Variants in CHD7 observed in about 807,000 individuals in gnomAD.
CHD7 encodes ATP-dependent chromatin remodeler CHD7.
In CHD7, 24 loss-of-function variants were observed where a neutral mutation model predicts 307.3. The ratio of observed to expected loss-of-function variants is 0.08; its 90% CI spans 0.06 to 0.11. The LOEUF (loss-of-function observed/expected upper bound fraction) is 0.11, where lower values mean the gene tolerates loss of function less well. Ranked by LOEUF, CHD7 falls within the 10% of genes least tolerant of loss-of-function variation. The probability of loss-of-function intolerance (pLI) is 1.00; values close to 1 mark genes in which losing one functional copy is unlikely to be tolerated. For missense variants in CHD7, 3,106 were observed against 3,727.1 expected (o/e 0.83, Z 4.34); for synonymous variants, 1,363 against 1,349.9 (o/e 1.01, Z -0.21).
chr8:60,699,706 T>G (rs1806662555), intron 1 of CHD7, among the ~76,000 whole-genome samples: 1 of 152,120 alleles, frequency 6.6e-6, no homozygotes, highest in Admixed American at 6.6e-5. Flanking sequence ...GAGTTTCTAG[T>G]CCATCTCCAT....
At chr8:60,836,033 C>G in intron 15 of CHD7, 40 bp from the exon 16 acceptor site, 1 of 1,470,444 alleles carries the variant, frequency 6.8e-7, no homozygotes, top group Non-Finnish European at 9.4e-7. Flanking sequence ...GTAATAAAAA[C>G]CTTTTACAGT....
At chr8:60,809,649 G>A (rs1812696059) in intron 7 of CHD7, 1 of 127,152 alleles carries the variant, frequency 7.9e-6, no homozygotes, top group Non-Finnish European at 1.6e-5. Flanking sequence ...GTCATTTGAG[G>A]TGAGGTAAAG....
chr8:60,756,023 A>G (rs1809872173), intron 2 of CHD7, among the ~76,000 whole-genome samples: 1 of 152,234 alleles, frequency 6.6e-6, no homozygotes, highest in Non-Finnish European at 1.5e-5. Context: ...TGTACCCTTG[A>G]AATGGGGCTA....
At chr8:60,716,703 C>A (rs947206899) in intron 1 of CHD7, among the ~76,000 whole-genome samples, 1 of 152,220 alleles carries the variant, frequency 6.6e-6, no homozygotes, top group Non-Finnish European at 1.5e-5. Context: ...TCTCCACAAA[C>A]AAAGCTTAAT....
chr8:60,859,690 G>C (rs1396103585), intron 34 of CHD7, among the ~76,000 whole-genome samples: 1 of 152,218 alleles, frequency 6.6e-6, no homozygotes, highest in African/African-American at 2.4e-5. Flanking sequence ...CAGAGAACAT[G>C]TGTAAGAGGA....
chr8:60,816,284 G>A (rs112758489), intron 7 of CHD7, 103 bp from the exon 8 acceptor site: 43 of 672,718 alleles, frequency 6.4e-5, no homozygotes, highest in African/African-American at 5.6e-4. Flanking sequence ...GGGTAATTAA[G>A]CAGGTTATTT....
intron 19 of CHD7, among the ~76,000 whole-genome samples, chr8:60,839,637 T>C (rs1804883169): frequency 6.6e-6 from 1 of 152,216 alleles, no homozygotes; most frequent in Admixed American, 6.5e-5. Flanking sequence ...GTTTTAGCCA[T>C]CCTAATGGGT....
At chr8:60,838,345 A>G (rs1013138710) in intron 19 of CHD7, 90 bp downstream of exon 19, 12 of 1,149,292 alleles carry the variant, frequency 1.0e-5, no homozygotes, top group Non-Finnish European at 1.5e-5. Context: ...TACAAGATGC[A>G]TTGGGAATTA....
At chr8:60,806,357 C>T (rs576297941) in intron 6 of CHD7, among the ~76,000 whole-genome samples, 9 of 151,412 alleles carry the variant, frequency 5.9e-5, no homozygotes, top group Admixed American at 2.6e-4. Context: ...AGCAAGACTC[C>T]GTCTCAAAAA....
In CHD7 at chr8:60,841,950, C is replaced by G; in HGVS notation, c.4748C>G (p.Ser1583Cys). Residue 1583 changes from serine to cysteine, a missense_variant, in exon 21 of 38, where the codon TCT becomes TGT. Transcript: ENST00000423902. ...LMEFSDLESD[S>C]EEKPCAKPRR... is the part of the protein sequence containing the mutation. Reference sequence around the variant, plus strand: ...GAGTTCTCAGACTTGGAAAGTGATTCTGAAGAAAAGCCCTGTGCAAAGCCA... The same window carrying G: ...GAGTTCTCAGACTTGGAAAGTGATTGTGAAGAAAAGCCCTGTGCAAAGCCA... The G allele has an allele frequency of 6.2e-7, 1 of 1,612,972 alleles. No individual in the cohort carries two copies. Among genetic ancestry groups the G allele is most frequent in the Non-Finnish European group, 8.5e-7 (1 of 1,179,400 alleles).
Position 60,779,039 on chromosome 8 carries a change from T to C in CHD7, c.1666-1961T>C, listed in dbSNP as rs537587915. ...CAAACTTTGACCTTGCCTCTGTGTT[T>C]CCTATATATCGTTACTCTTTTTTCA... is the stretch of plus-strand genomic sequence containing the variant. On this transcript the variant is annotated intron_variant, in intron 2 of 37. Coordinates refer to ENST00000423902, the MANE Select transcript of CHD7 (RefSeq NM_017780.4). 2.0e-5 allele frequency among the ~76,000 whole-genome samples: 3 copies of C among 152,332 alleles called. No individual in the cohort carries two copies. In the East Asian group the frequency reaches 5.8e-4, roughly 29 times the overall value.
chr8:60,748,196 C>T (rs996727706), intron 2 of CHD7, among the ~76,000 whole-genome samples: 3 of 151,760 alleles, frequency 2.0e-5, no homozygotes, highest in Non-Finnish European at 4.4e-5. Flanking sequence ...TTAAAGTGGG[C>T]GAGGTGGGGG....
chr8:60,814,250 T>A (rs1287281857), intron 7 of CHD7, among the ~76,000 whole-genome samples: 1 of 152,158 alleles, frequency 6.6e-6, no homozygotes, highest in African/African-American at 2.4e-5. Flanking sequence ...TTCATCCCAG[T>A]TTATAGCAGA....
At chr8:60,723,409 G>T (rs374957408) in intron 1 of CHD7, among the ~76,000 whole-genome samples, 2 of 152,068 alleles carry the variant, frequency 1.3e-5, no homozygotes, top group Non-Finnish European at 2.9e-5. Context: ...CTGCACCTCA[G>T]TTATACCTCA....
chr8:60,792,375 G>C (rs1563604482), intron 3 of CHD7, among the ~76,000 whole-genome samples: 1 of 152,260 alleles, frequency 6.6e-6, no homozygotes, highest in African/African-American at 2.4e-5. Flanking sequence ...AATGTTGGAG[G>C]GTGGACACTG....
chr8:60,823,242 A>G (rs1804123365), intron 12 of CHD7, among the ~76,000 whole-genome samples: 1 of 152,164 alleles, frequency 6.6e-6, no homozygotes, highest in African/African-American at 2.4e-5. Flanking sequence ...TTCTTACTCT[A>G]GTTACCTGTA....
intron 1 of CHD7, among the ~76,000 whole-genome samples, chr8:60,704,397 C>T (rs149877597): frequency 3.0e-4 from 46 of 151,246 alleles, no homozygotes; most frequent in African/African-American, 1.0e-3. Flanking sequence ...GAGTGGGTAA[C>T]AGAGGCATTT....
At chr8:60,780,717 A>T (rs1454236615) in intron 2 of CHD7, among the ~76,000 whole-genome samples, 1 of 152,242 alleles carries the variant, frequency 6.6e-6, no homozygotes, top group Non-Finnish European at 1.5e-5. Flanking sequence ...TTTAAAAAAC[A>T]GACAGTGTCT....
At chr8:60,828,555 T>C (rs2150760815) in intron 13 of CHD7, 108 bp from the exon 14 acceptor site, 1 of 984,562 alleles carries the variant, frequency 1.0e-6, no homozygotes, top group Non-Finnish European at 1.5e-6. Flanking sequence ...ATACTTTGCA[T>C]AGGGTAGATG....
Sources: gnomAD v4.1 joint callset for allele counts (sites outside exome capture counted in the v4.1 genomes callset) on GRCh38, gnomAD v4.1.1 for gene constraint, MANE v1.5 for transcripts, NCBI Gene and HGNC (gene_info 2026-07-23, HGNC 2026-07-21) for gene names.